PLAG1: variants seen among roughly 807,000 people sequenced by gnomAD.
PLAG1 encodes the protein zinc finger protein PLAG1.
PLAG1 carries 7 observed loss-of-function variants against 35.5 expected under a neutral mutation model. That is an observed-to-expected ratio of 0.20 (90% CI 0.11 to 0.37). The LOEUF (loss-of-function observed/expected upper bound fraction) is 0.37. Ranked by LOEUF, PLAG1 falls within the 10% of genes least tolerant of loss-of-function variation. The pLI is 1.00. For missense variants in PLAG1, 454 were observed against 602.8 expected, an observed-to-expected ratio of 0.75 and a Z score of 2.58; for synonymous variants, 229 against 225.4, an observed-to-expected ratio of 1.02 and a Z score of -0.14.
chr8:56,204,364 G>A (rs375814995), intron 1 of PLAG1, among the ~76,000 whole-genome samples: 3 of 151,324 alleles, frequency 2.0e-5, no homozygotes, highest in East Asian at 3.9e-4. Context: ...AAATCCAACC[G>A]GTGTTATTTT....
intron 1 of PLAG1, among the ~76,000 whole-genome samples, chr8:56,182,550 T>C (rs1429406319): frequency 6.7e-6 from 1 of 148,538 alleles, no homozygotes; most frequent in Non-Finnish European, 1.5e-5. Flanking sequence ...GTTCACCACT[T>C]AGGCATGAGG....
At chr8:56,195,437 C>G (rs1322274761) in intron 1 of PLAG1, among the ~76,000 whole-genome samples, 1 of 152,162 alleles carries the variant, frequency 6.6e-6, no homozygotes, top group East Asian at 1.9e-4. Context: ...GAGTCACTTC[C>G]CAGTTCACGG....
chr8:56,168,348 C>T lies in PLAG1; in HGVS notation c.-79G>A, dbSNP rs1811417248. 1 of 1,378,256 alleles carries T rather than the reference C, an allele frequency of 7.3e-7. No homozygotes were observed. The highest frequency in any genetic ancestry group is 1.5e-5 in the African/African-American group (1 of 68,280). 85.4% of individuals were successfully genotyped at this position (1,378,256 alleles called of 1,614,324 possible). A position where few individuals can be genotyped will look rare whatever the true frequency, so the allele number is the denominator to read the frequency against. ...TAAATGATATAGCTTTAGGTGGCTTCTCAAGTTTCATGTGGTCGTAAAAGA... is the reference window on the plus strand; with the variant it reads ...TAAATGATATAGCTTTAGGTGGCTTTTCAAGTTTCATGTGGTCGTAAAAGA... On this transcript the variant is annotated 5_prime_UTR_variant, in exon 4 of 5. Coordinates refer to ENST00000316981, the MANE Select transcript of PLAG1 (RefSeq NM_002655.3).
rs1353265266 is a variant in PLAG1, at chr8:56,161,547, G to A, written c.*4696C>T. ...TTATAAAGCCCACTTTCCATTCTGA[G>A]TTACAGTCACCTTGTGGACAAAAGC... On this transcript the variant is annotated 3_prime_UTR_variant, in exon 5 of 5. Coordinates refer to ENST00000316981, the MANE Select transcript of PLAG1 (RefSeq NM_002655.3). 2 of 228,446 alleles carry A rather than the reference G, an allele frequency of 8.8e-6. No individual in the cohort carries two copies. Among genetic ancestry groups the A allele is most frequent in the East Asian group, 6.3e-5 (1 of 15,988 alleles). The allele number at this position is 228,446 out of a possible 1,614,324, so 14.2% of individuals were successfully genotyped here. A position where few individuals can be genotyped will look rare whatever the true frequency, so the allele number is the denominator to read the frequency against.
In PLAG1 at chr8:56,165,873, G is replaced by C. The variant is rs1811338319; in HGVS notation, c.*370C>G. 1.5e-5 allele frequency: 3 copies of C among 201,448 alleles called. No individual in the cohort carries two copies. Among genetic ancestry groups the C allele is most frequent in the Non-Finnish European group, 3.1e-5 (3 of 98,196 alleles). The allele number at this position is 201,448 out of a possible 1,614,324, so 12.5% of individuals were successfully genotyped here. ...ATTCTATTGCTAAATTTTTTAATGA[G>C]CCAGATGTCAAAAGGTAGAGCCACT... On this transcript the variant is annotated 3_prime_UTR_variant, in exon 5 of 5. Transcript: ENST00000316981.
At position 56,161,586 on chromosome 8, in the gene PLAG1, G is replaced by T. The variant is rs1188071497; in HGVS notation, c.*4657C>A. ...GTGGACAAAAGCTGGGTTTGTTCTG[G>T]TAACATTTGCATGTCCGAGATCTCC... On this transcript the variant is annotated 3_prime_UTR_variant, in exon 5 of 5. Coordinates refer to ENST00000316981, the MANE Select transcript of PLAG1 (RefSeq NM_002655.3). 3 of 228,638 alleles carry T rather than the reference G, an allele frequency of 1.3e-5. No homozygotes were observed. The highest frequency in any genetic ancestry group is 2.6e-5 in the Non-Finnish European group (3 of 114,998). The allele number at this position is 228,638 out of a possible 1,614,324, so 14.2% of individuals were successfully genotyped here.
chr8:56,206,854 G>C (rs528249132), intron 1 of PLAG1, among the ~76,000 whole-genome samples: 5 of 152,010 alleles, frequency 3.3e-5, no homozygotes, highest in African/African-American at 1.2e-4. Context: ...ATGATTTATA[G>C]CCCTTTTACC....
chr8:56,180,627 T>C (rs1244511572), intron 1 of PLAG1, among the ~76,000 whole-genome samples: 2 of 152,242 alleles, frequency 1.3e-5, no homozygotes, highest in African/African-American at 4.8e-5. Flanking sequence ...TAAATCCATC[T>C]TGAGTTAATT....
Position 56,163,800 on chromosome 8 carries a change from C to T in PLAG1, c.*2443G>A, listed in dbSNP as rs1811277886. On this transcript the variant is annotated 3_prime_UTR_variant, in exon 5 of 5. Coordinates refer to ENST00000316981, the MANE Select transcript of PLAG1 (RefSeq NM_002655.3). ...TTAAATTAGCAGTGAATACAGCCTA[C>T]TAAGGCCAATGTCTCAGTTCACTAA... The T allele has an allele frequency of 1.1e-5, 2 of 190,312 alleles. No individual in the cohort carries two copies. The highest frequency in any genetic ancestry group is 3.9e-4 in the South Asian group (2 of 5,162). The allele number at this position is 190,312 out of a possible 1,614,324, so 11.8% of individuals were successfully genotyped here.
intron 1 of PLAG1, among the ~76,000 whole-genome samples, chr8:56,201,047 G>C (rs1032753679): frequency 2.0e-5 from 3 of 152,176 alleles, no homozygotes; most frequent in African/African-American, 7.2e-5. Flanking sequence ...CAAAGGAAGA[G>C]AGAAATCCCC....
chr8:56,184,884 T>C (rs1387240163), intron 1 of PLAG1, among the ~76,000 whole-genome samples: 1 of 151,728 alleles, frequency 6.6e-6, no homozygotes, highest in Non-Finnish European at 1.5e-5. Flanking sequence ...GAGTCGGAGG[T>C]TGCAGTGAGC....
intron 2 of PLAG1, among the ~76,000 whole-genome samples, chr8:56,172,344 G>A (rs1811555563): frequency 6.6e-6 from 1 of 152,040 alleles, no homozygotes; most frequent in Admixed American, 6.6e-5. Context: ...GACCTATAAA[G>A]GTATTTTAAA....
rs1294894028 is a variant in PLAG1, at chr8:56,165,247, TA to T, written c.*995del. On this transcript the variant is annotated 3_prime_UTR_variant, in exon 5 of 5. Coordinates refer to ENST00000316981, the MANE Select transcript of PLAG1 (RefSeq NM_002655.3). ...TGTGCTTCACGTCTATCTTCCTGCT[TA>T]GAAGTCTGTCACCCACAGAGGCTGA... 2 of 213,436 alleles carry T rather than the reference TA, an allele frequency of 9.4e-6. No individual in the cohort carries two copies. Among genetic ancestry groups the T allele is most frequent in the African/African-American group, 4.5e-5 (2 of 44,176 alleles). The allele number at this position is 213,436 out of a possible 1,614,324, so 13.2% of individuals were successfully genotyped here.
At chr8:56,170,393 T>C (rs1811492248) in intron 3 of PLAG1, among the ~76,000 whole-genome samples, 1 of 152,240 alleles carries the variant, frequency 6.6e-6, no homozygotes, top group South Asian at 2.1e-4. Context: ...TCTGCTTCCC[T>C]TGGAAATATC....
rs925504045 is a variant in PLAG1, at chr8:56,167,670, A to C, written c.243-167T>G. ...ATAGTTAATATACCTAATTACTGCA[A>C]AACTTGAGCCATTTAAGTTGCCACT... On this transcript the variant is annotated intron_variant, in intron 4 of 4. Coordinates refer to ENST00000316981, the MANE Select transcript of PLAG1 (RefSeq NM_002655.3). The surrounding 1 kb of genome is among the most constrained non-coding windows in gnomAD (Gnocchi z 5.9). 3.9e-5 allele frequency among the ~76,000 whole-genome samples: 6 copies of C among 152,232 alleles called. No homozygotes were observed. The highest frequency in any genetic ancestry group is 8.8e-5 in the Non-Finnish European group (6 of 68,030).
At chr8:56,177,141 C>T (rs1811722869) in intron 2 of PLAG1, among the ~76,000 whole-genome samples, 1 of 152,148 alleles carries the variant, frequency 6.6e-6, no homozygotes, top group Non-Finnish European at 1.5e-5. Flanking sequence ...GTAAAGTGTA[C>T]TTTAAAGACA....
chr8:56,176,312 C>T (rs982226340), intron 2 of PLAG1, among the ~76,000 whole-genome samples: 1 of 146,036 alleles, frequency 6.8e-6, no homozygotes, highest in Admixed American at 7.2e-5. Flanking sequence ...CTTGGCCTCT[C>T]AAAGTGCTGG....
At chr8:56,204,536 T>C (rs6474050) in intron 1 of PLAG1, among the ~76,000 whole-genome samples, 138,415 of 151,868 alleles carry the variant, frequency 0.91, 63,282 homozygotes, top group East Asian at 1. Flanking sequence ...CTAAATTCCT[T>C]ATTTGCTAAT....
chr8:56,184,482 A>G (rs1033583809), intron 1 of PLAG1, among the ~76,000 whole-genome samples: 1 of 152,212 alleles, frequency 6.6e-6, no homozygotes, highest in Non-Finnish European at 1.5e-5. Flanking sequence ...ACATCTAGCT[A>G]TTTACCAAGA....
Sources: gnomAD v4.1 joint callset for allele counts (sites outside exome capture counted in the v4.1 genomes callset) on GRCh38, gnomAD v4.1.1 for gene constraint, Gnocchi (gnomAD v3.1) non-coding constraint, MANE v1.5 for transcripts, NCBI Gene and HGNC (gene_info 2026-07-23, HGNC 2026-07-21) for gene names.